Variants in GMDS observed in about 807,000 individuals in gnomAD.
GMDS encodes the protein GDP-mannose 4,6-dehydratase, also known as GDP-mannose 4,6 dehydratase.
Under a neutral mutation model 49.9 loss-of-function variants are expected in GMDS, and 20 were observed. That is an observed-to-expected ratio of 0.40 (90% confidence interval 0.28 to 0.58). GMDS has a LOEUF of 0.58. Among genes scored for constraint, GMDS ranks in the 20% least tolerant of loss-of-function variants. The probability of loss-of-function intolerance (pLI) is 0.42; values close to 1 mark genes in which losing one functional copy is unlikely to be tolerated. For missense variants in GMDS, 362 were observed against 481.4 expected (o/e 0.75, Z 2.32); for synonymous variants, 177 against 178.6 (o/e 0.99, Z 0.07).
In GMDS at chr6:1,948,033, C is replaced by T. The variant is rs913210868; in HGVS notation, c.643+11834G>A. On this transcript the variant is annotated intron_variant, in intron 6 of 10. Coordinates refer to ENST00000380815, the MANE Select transcript of GMDS (RefSeq NM_001500.4). Reference sequence around the variant, plus strand: ...GCAGCAGTGATGGTAATAATAATGACGTGCTAATAACTTCACTTCCACGAT... The same window carrying T: ...GCAGCAGTGATGGTAATAATAATGATGTGCTAATAACTTCACTTCCACGAT... 3.9e-5 allele frequency among the ~76,000 whole-genome samples: 6 copies of T among 152,122 alleles called. No homozygotes were observed. In the East Asian group the frequency reaches 7.7e-4, roughly 20 times the overall value.
rs867858453 is a variant in GMDS at position 2,066,664 on chromosome 6, A to T, written c.345+49107T>A. Among the ~76,000 whole-genome samples, 86 of 152,348 alleles carry T rather than the reference A, an allele frequency of 5.6e-4. 1 individual carries two copies. Among genetic ancestry groups the T allele is most frequent in the Admixed American group, 1.2e-3 (18 of 15,308 alleles). On this transcript the variant is annotated intron_variant, in intron 4 of 10. Coordinates refer to ENST00000380815, the MANE Select transcript of GMDS (RefSeq NM_001500.4). Reference sequence around the variant, plus strand: ...AACCAACAAAGATCAAAAGAGACAAAGAATGCCATTACTTAATGGTAAAGG... The same window carrying T: ...AACCAACAAAGATCAAAAGAGACAATGAATGCCATTACTTAATGGTAAAGG...
intron 5 of GMDS, 36 bp downstream of exon 5, chr6:1,960,738 C>T: frequency 7.2e-7 from 1 of 1,396,602 alleles, no homozygotes; most frequent in Non-Finnish European, 9.8e-7. Context: ...ACAGATAACG[C>T]CACACATGTG....
chr6:1,895,442 A>G (rs1467844758), intron 7 of GMDS, among the ~76,000 whole-genome samples: 1 of 152,222 alleles, frequency 6.6e-6, no homozygotes, highest in African/African-American at 2.4e-5. Context: ...CACTAAGGTA[A>G]CCAGTGACCA....
chr6:1,925,274 T>C lies in GMDS; in HGVS notation c.771+4829A>G, dbSNP rs1040014402. 1.5e-4 allele frequency among the ~76,000 whole-genome samples: 23 copies of C among 152,344 alleles called. No homozygotes were observed. The South Asian group carries it at 3.9e-3, about 26-fold the overall frequency. On this transcript the variant is annotated intron_variant, in intron 7 of 10. Coordinates refer to ENST00000380815, the MANE Select transcript of GMDS (RefSeq NM_001500.4). ...TAATTTAATATAGCTGTATATATTT[T>C]TTTCTTCAAGTTGAAATACTTCTCA...
chr6:1,726,040 T>C (rs1766571489), intron 9 of GMDS, among the ~76,000 whole-genome samples: 1 of 152,170 alleles, frequency 6.6e-6, no homozygotes, highest in South Asian at 2.1e-4. Context: ...TAGACATAGC[T>C]GGAGAGGACC....
chr6:1,867,367 G>C (rs903013836), intron 7 of GMDS, among the ~76,000 whole-genome samples: 19 of 152,156 alleles, frequency 1.2e-4, no homozygotes, highest in African/African-American at 4.6e-4. Flanking sequence ...CTACTACAGG[G>C]CAATACAAAC....
intron 7 of GMDS, among the ~76,000 whole-genome samples, chr6:1,834,743 T>C (rs1756844717): frequency 6.6e-6 from 1 of 152,198 alleles, no homozygotes; most frequent in Admixed American, 6.5e-5. Flanking sequence ...AGATCAGATA[T>C]TGCATTCATA....
intron 1 of GMDS, among the ~76,000 whole-genome samples, chr6:2,205,955 G>A (rs1779788301): frequency 6.6e-6 from 1 of 152,072 alleles, no homozygotes; most frequent in South Asian, 2.1e-4. Context: ...TAACAGTTTG[G>A]TGGCAGTATA....
intron 4 of GMDS, among the ~76,000 whole-genome samples, chr6:2,029,716 A>G (rs888314712): frequency 1.4e-4 from 21 of 152,218 alleles, no homozygotes; most frequent in African/African-American, 4.8e-4. Context: ...GCTGGATCAC[A>G]TAAGTCTTAC....
At chr6:2,140,526 C>G (rs56231942) in intron 1 of GMDS, among the ~76,000 whole-genome samples, 23,752 of 152,118 alleles carry the variant, frequency 0.16, 4,217 homozygotes, top group African/African-American at 0.43. Context: ...ACATGCAAAG[C>G]GACCTTGTGA....
At chr6:2,207,641 A>G (rs887647938) in intron 1 of GMDS, among the ~76,000 whole-genome samples, 3 of 151,990 alleles carry the variant, frequency 2.0e-5, no homozygotes, top group Non-Finnish European at 4.4e-5. Flanking sequence ...TTTTGTTCCT[A>G]GCACCTAGCA....
rs3800063 is a variant in GMDS at position 1,781,266 on chromosome 6, C to T, written c.772-38680G>A. On this transcript the variant is annotated intron_variant, in intron 7 of 10. Transcript: ENST00000380815. The stretch of plus-strand genomic sequence containing the variant: ...GTCCTTCCTCCAGGTGTCCTTGCTG[C>T]TGGTTCAGGTCCCGGGTGAAGGACA... Among the ~76,000 whole-genome samples the T allele has an allele frequency of 5.9e-3, 896 of 152,334 alleles. 38 individuals are homozygous for T. In the East Asian group the frequency reaches 0.1, roughly 17 times the overall value.
At chr6:1,875,801 G>A (rs139825415) in intron 7 of GMDS, among the ~76,000 whole-genome samples, 401 of 152,110 alleles carry the variant, frequency 2.6e-3, no homozygotes, top group African/African-American at 8.7e-3. Context: ...TGAGGGCAGC[G>A]CAACACCTGA....
At chr6:1,741,026 T>C (rs899565196) in intron 8 of GMDS, among the ~76,000 whole-genome samples, 38 of 152,284 alleles carry the variant, frequency 2.5e-4, no homozygotes, top group African/African-American at 8.9e-4. Context: ...TTTTTCTGAG[T>C]GTTCTTATTT....
At position 1,959,964 on chromosome 6, in the gene GMDS, T is replaced by G. The variant is rs1210608807; in HGVS notation, c.546A>C (p.Ala182=). 6.9e-6 allele frequency: 11 copies of G among 1,592,410 alleles called. No individual in the cohort carries two copies. In the African/African-American group the frequency reaches 1.2e-4, roughly 18 times the overall value. Reference sequence around the variant, plus strand: ...CCACAATCCAATAGGCATAGAGTTTTGCTGCCCCTGTTGGAATAATTTTTT... The same window carrying G: ...CCACAATCCAATAGGCATAGAGTTTGGCTGCCCCTGTTGGAATAATTTTTT... ...PFYPRSPYGA[A]KLYAYWIVVN... is the part of the protein sequence containing the mutation. The change falls in exon 6 of 11, where the codon GCA becomes GCC. Residue 182 remains alanine, a synonymous_variant. Coordinates refer to ENST00000380815, the MANE Select transcript of GMDS (RefSeq NM_001500.4).
At chr6:1,850,716 C>T (rs1010611433) in intron 7 of GMDS, among the ~76,000 whole-genome samples, 1 of 152,242 alleles carries the variant, frequency 6.6e-6, no homozygotes, top group Non-Finnish European at 1.5e-5. Flanking sequence ...TAAGAGTTCA[C>T]TCAATTTATC....
At chr6:1,797,687 AG>A (rs1769792950) in intron 7 of GMDS, among the ~76,000 whole-genome samples, 1 of 152,220 alleles carries the variant, frequency 6.6e-6, no homozygotes, top group African/African-American at 2.4e-5. Flanking sequence ...AGAACTTAAT[AG>A]ACTTGGCCAG....
rs528101548 is a variant in GMDS at position 1,656,790 on chromosome 6, G to T, written c.988-32250C>A. Reference sequence around the variant, plus strand: ...AAAAAAAAAAAAAATTACATCTTCTGGATCTGGGCTTGGCTCCTGGCTGTA... The same window carrying T: ...AAAAAAAAAAAAAATTACATCTTCTTGATCTGGGCTTGGCTCCTGGCTGTA... On this transcript the variant is annotated intron_variant, in intron 9 of 10. Coordinates refer to ENST00000380815, the MANE Select transcript of GMDS (RefSeq NM_001500.4). Among the ~76,000 whole-genome samples the T allele has an allele frequency of 2.0e-5, 3 of 152,032 alleles. No homozygotes were observed. In the South Asian group the frequency reaches 6.2e-4, roughly 32 times the overall value.
chr6:1,889,302 C>T (rs954157920), intron 7 of GMDS, among the ~76,000 whole-genome samples: 3 of 152,126 alleles, frequency 2.0e-5, no homozygotes, highest in Non-Finnish European at 2.9e-5. Flanking sequence ...TTTGTGACTG[C>T]CCATTCTGTA....
Sources: allele counts gnomAD v4.1 joint callset (sites outside exome capture counted in the v4.1 genomes callset), GRCh38; gene constraint gnomAD v4.1.1; transcripts MANE v1.5; gene names NCBI Gene and HGNC (gene_info 2026-07-23, HGNC 2026-07-21).